The following ABHD17C variants were observed in gnomAD, a reference collection of about 807,000 sequenced individuals.
ABHD17C encodes abhydrolase domain containing 17C, depalmitoylase, also known as alpha/beta hydrolase domain-containing protein 17C.
A neutral mutation model predicts 27.9 loss-of-function variants in ABHD17C; 11 were observed. That is an observed-to-expected ratio of 0.39 (90% CI 0.25 to 0.65). ABHD17C has a LOEUF of 0.65. Among genes scored for constraint, ABHD17C ranks in the 30% least tolerant of loss-of-function variants. The pLI is 0.45. For missense variants in ABHD17C, 280 were observed against 470.2 expected, an observed-to-expected ratio of 0.60 and a Z score of 3.74; for synonymous variants, 233 against 209.1, an observed-to-expected ratio of 1.11 and a Z score of -0.98.
In ABHD17C at chr15:80,700,104, A is replaced by G. The variant is rs190600966; in HGVS notation, c.590+4085A>G. On this transcript the variant is annotated intron_variant, in intron 1 of 2. Transcript: ENST00000258884. ...TTAATCTGTGCAGGAATGGCTGCCT[A>G]TTGGTTAAGGTGGGAGTAGGCAGAT... 5.9e-4 allele frequency among the ~76,000 whole-genome samples: 90 copies of G among 152,236 alleles called. 1 individual carries two copies. The highest frequency in any genetic ancestry group is 1.6e-3 in the African/African-American group (67 of 41,542).
intron 1 of ABHD17C, among the ~76,000 whole-genome samples, chr15:80,723,787 G>A (rs1419056896): frequency 6.6e-6 from 1 of 152,146 alleles, no homozygotes; most frequent in Non-Finnish European, 1.5e-5. Context: ...GATGGCATGA[G>A]TCCTTTCTAA....
intron 1 of ABHD17C, among the ~76,000 whole-genome samples, chr15:80,699,041 T>C (rs1468624611): frequency 6.6e-6 from 1 of 152,234 alleles, no homozygotes; most frequent in Non-Finnish European, 1.5e-5. Context: ...GTCTTTTGTA[T>C]CTGCCCTTCT....
At chr15:80,715,749 G>A (rs576955661) in intron 1 of ABHD17C, among the ~76,000 whole-genome samples, 5 of 152,258 alleles carry the variant, frequency 3.3e-5, no homozygotes, top group South Asian at 2.1e-4. Context: ...TGAGTGCAAG[G>A]TTTCCATGTA....
chr15:80,714,515 G>T (rs1894776849), intron 1 of ABHD17C, among the ~76,000 whole-genome samples: 1 of 152,212 alleles, frequency 6.6e-6, no homozygotes, highest in South Asian at 2.1e-4. Flanking sequence ...TGACCCTGGA[G>T]CCTATGCTCT....
intron 1 of ABHD17C, among the ~76,000 whole-genome samples, chr15:80,717,225 C>A (rs150252166): frequency 1.4e-5 from 2 of 147,988 alleles, no homozygotes; most frequent in Non-Finnish European, 3.0e-5. Context: ...TACACTCTAT[C>A]AGCCAGAGGC....
chr15:80,695,341 A>C lies in ABHD17C; in HGVS notation c.-89A>C. 2.2e-6 allele frequency: 2 copies of C among 907,322 alleles called. No homozygotes were observed. Among genetic ancestry groups the C allele is most frequent in the Non-Finnish European group, 2.7e-6 (2 of 729,214 alleles). 56.2% of individuals were successfully genotyped at this position (907,322 alleles called of 1,614,324 possible). On this transcript the variant is annotated 5_prime_UTR_variant, in exon 1 of 3. Coordinates refer to ENST00000258884, the MANE Select transcript of ABHD17C (RefSeq NM_021214.2). The surrounding 1 kb of genome is among the most constrained non-coding windows in gnomAD (Gnocchi z 4.3). ...CAGCCGCCCTCCGCGCTCGCCTGCCAGCTCCCTCGCCGCGCGTCCGTCCTC... is the reference window on the plus strand; with the variant it reads ...CAGCCGCCCTCCGCGCTCGCCTGCCCGCTCCCTCGCCGCGCGTCCGTCCTC...
intron 1 of ABHD17C, among the ~76,000 whole-genome samples, chr15:80,705,734 AG>A (rs1894639125): frequency 6.6e-6 from 1 of 152,140 alleles, no homozygotes; most frequent in Non-Finnish European, 1.5e-5. Flanking sequence ...GGAACGGTAA[AG>A]GTGTTTTAGT....
chr15:80,703,331 T>C (rs2141490151), intron 1 of ABHD17C: 1 of 152,346 alleles, frequency 6.6e-6, no homozygotes, highest in East Asian at 1.9e-4. Flanking sequence ...TCAACATCAG[T>C]TTGAGAGGGC....
intron 1 of ABHD17C, 85 bp downstream of exon 1, chr15:80,696,104 C>G: frequency 7.3e-7 from 1 of 1,367,052 alleles, no homozygotes; most frequent in Admixed American, 2.5e-5. Flanking sequence ...GGCGGCCTGC[C>G]AGGAGAGGGG....
chr15:80,699,597 G>A (rs1419123822), intron 1 of ABHD17C, among the ~76,000 whole-genome samples: 9 of 152,212 alleles, frequency 5.9e-5, no homozygotes, highest in Non-Finnish European at 1.0e-4. Context: ...GCGCATGCTA[G>A]AGTGAGCTGT....
intron 1 of ABHD17C, among the ~76,000 whole-genome samples, chr15:80,746,388 G>A (rs981241998): frequency 5.3e-5 from 8 of 151,696 alleles, no homozygotes; most frequent in Non-Finnish European, 1.0e-4. Context: ...TTTCTTATGG[G>A]TGTCTTCTGA....
At chr15:80,718,203 T>A (rs1310025667) in intron 1 of ABHD17C, among the ~76,000 whole-genome samples, 1 of 152,050 alleles carries the variant, frequency 6.6e-6, no homozygotes, top group Non-Finnish European at 1.5e-5. Flanking sequence ...CTCAAAAAAT[T>A]TCCCCCCATA....
At chr15:80,723,989 T>C (rs752163045) in intron 1 of ABHD17C, among the ~76,000 whole-genome samples, 19 of 152,122 alleles carry the variant, frequency 1.2e-4, no homozygotes, top group East Asian at 7.7e-4. Context: ...GATCACTTGA[T>C]GTCAGGAGTT....
intron 1 of ABHD17C, among the ~76,000 whole-genome samples, chr15:80,746,003 C>T (rs1357057821): frequency 6.6e-6 from 1 of 152,160 alleles, no homozygotes; most frequent in Non-Finnish European, 1.5e-5. Context: ...TAAATCATGT[C>T]ACTTAATATT....
Position 80,755,077 on chromosome 15 carries a change from GTCC to G in ABHD17C, c.*712_*714del, listed in dbSNP as rs1014536618. 6.6e-6 allele frequency: 1 copy of G among 152,088 alleles called. No individual in the cohort carries two copies. The highest frequency in any genetic ancestry group is 1.5e-5 in the Non-Finnish European group (1 of 68,028). The allele number at this position is 152,088 out of a possible 1,614,324, so 9.4% of individuals were successfully genotyped here. A position where few individuals can be genotyped will look rare whatever the true frequency, so the allele number is the denominator to read the frequency against. On this transcript the variant is annotated 3_prime_UTR_variant, in exon 3 of 3. Transcript: ENST00000258884. ...GCCTAGCTGACTTTCCTTCTGTAAA[GTCC>G]TCCTTGTAGGCTTTTTTAAAGTACT...
chr15:80,695,597 C>G lies in ABHD17C; in HGVS notation c.168C>G (p.Ala56=). The G allele has an allele frequency of 9.0e-7, 1 of 1,110,294 alleles. No individual in the cohort carries two copies. The highest frequency in any genetic ancestry group is 1.1e-6 in the Non-Finnish European group (1 of 912,412). 68.8% of individuals were successfully genotyped at this position (1,110,294 alleles called of 1,614,324 possible). A position where few individuals can be genotyped will look rare whatever the true frequency, so the allele number is the denominator to read the frequency against. ...APEQRGAGAS[A]PAPAQATAAA... is the part of the protein sequence containing the mutation. ...AGCAGCGCGGCGCCGGCGCGTCCGC[C>G]CCGGCCCCGGCCCAGGCTACCGCCG... Residue 56 remains alanine (A), a synonymous_variant, in exon 1 of 3, where the codon GCC becomes GCG. Transcript: ENST00000258884. This position sits in a 1 kb window ranked among gnomAD's most constrained non-coding sequence, Gnocchi z 4.3.
At chr15:80,719,350 T>C (rs964459783) in intron 1 of ABHD17C, among the ~76,000 whole-genome samples, 1 of 152,176 alleles carries the variant, frequency 6.6e-6, no homozygotes, top group African/African-American at 2.4e-5. Flanking sequence ...TTGAGAGTGT[T>C]TGTAATTTTT....
intron 1 of ABHD17C, among the ~76,000 whole-genome samples, chr15:80,697,974 T>C (rs913580190): frequency 6.6e-6 from 1 of 152,194 alleles, no homozygotes; most frequent in African/African-American, 2.4e-5. Context: ...CATACACGTC[T>C]GTATCCACAT....
At chr15:80,709,149 TA>T (rs1894693580) in intron 1 of ABHD17C, among the ~76,000 whole-genome samples, 1 of 151,724 alleles carries the variant, frequency 6.6e-6, no homozygotes, top group African/African-American at 2.4e-5. Context: ...TATACTTTTA[TA>T]AATATATGTA....
Sources: allele counts gnomAD v4.1 joint callset (sites outside exome capture counted in the v4.1 genomes callset), GRCh38; gene constraint gnomAD v4.1.1; non-coding constraint Gnocchi (gnomAD v3.1); transcripts MANE v1.5; gene names NCBI Gene and HGNC (gene_info 2026-07-23, HGNC 2026-07-21).